Variants in MKLN1 observed in about 807,000 individuals in gnomAD.
MKLN1 encodes muskelin 1.
MKLN1 carries 18 observed loss-of-function variants against 99.0 expected under a neutral mutation model. That is an observed-to-expected ratio of 0.18 (90% CI 0.13 to 0.27). The LOEUF (loss-of-function observed/expected upper bound fraction) is 0.27. Among genes scored for constraint, MKLN1 ranks in the 10% least tolerant of loss-of-function variants. The probability of loss-of-function intolerance (pLI) is 1.00; values close to 1 mark genes in which losing one functional copy is unlikely to be tolerated. For missense variants in MKLN1, 621 were observed against 875.9 expected (o/e 0.71, Z 3.67); for synonymous variants, 288 against 293.2 (o/e 0.98, Z 0.18).
chr7:131,448,412 G>A (rs1483933390), intron 12 of MKLN1, among the ~76,000 whole-genome samples: 1 of 152,144 alleles, frequency 6.6e-6, no homozygotes, highest in Admixed American at 6.5e-5. Context: ...TTAGAGCAGT[G>A]TGGCAATTAT....
At chr7:131,150,240 C>T (rs886092124) in intron 2 of MKLN1, among the ~76,000 whole-genome samples, 1 of 152,178 alleles carries the variant, frequency 6.6e-6, no homozygotes, top group Non-Finnish European at 1.5e-5. Context: ...AACTCAATGA[C>T]TGCGTGACCT....
chr7:131,329,441 T>G (rs1005215652), intron 1 of MKLN1, among the ~76,000 whole-genome samples: 1 of 152,224 alleles, frequency 6.6e-6, no homozygotes, highest in African/African-American at 2.4e-5. Context: ...TAGTTGGAGT[T>G]GAAATGTGGC....
intron 2 of MKLN1, among the ~76,000 whole-genome samples, chr7:131,185,576 T>G (rs1404623840): frequency 6.6e-6 from 1 of 151,428 alleles, no homozygotes; most frequent in Non-Finnish European, 1.5e-5. Context: ...AGATTCCATC[T>G]CAAAAAAAAA....
At chr7:131,444,811 TA>T (rs1795959198) in intron 11 of MKLN1, among the ~76,000 whole-genome samples, 2 of 146,454 alleles carry the variant, frequency 1.4e-5, no homozygotes, top group Non-Finnish European at 3.0e-5. Flanking sequence ...GTAGTAGTAG[TA>T]GTAGTAGTAG....
At chr7:131,381,643 C>T (rs1198557756) in intron 2 of MKLN1, among the ~76,000 whole-genome samples, 3 of 152,170 alleles carry the variant, frequency 2.0e-5, no homozygotes, top group Admixed American at 6.5e-5. Flanking sequence ...ACCACCACCA[C>T]TGCCATCATT....
At chr7:131,254,894 C>T (rs1797635945) in intron 3 of MKLN1, among the ~76,000 whole-genome samples, 1 of 151,714 alleles carries the variant, frequency 6.6e-6, no homozygotes, top group Non-Finnish European at 1.5e-5. Flanking sequence ...GAAACAATGG[C>T]TGAAATTTTT....
intron 2 of MKLN1, among the ~76,000 whole-genome samples, chr7:131,189,610 C>T (rs1796505210): frequency 1.3e-5 from 2 of 151,914 alleles, no homozygotes; most frequent in South Asian, 2.1e-4. Flanking sequence ...TTCTTTCAGG[C>T]CTAGAGCCAG....
chr7:131,280,794 T>C (rs1279996621), intron 3 of MKLN1, among the ~76,000 whole-genome samples: 1 of 152,056 alleles, frequency 6.6e-6, no homozygotes, highest in Non-Finnish European at 1.5e-5. Context: ...GATTATGGGC[T>C]AACACCACCA....
At chr7:131,334,711 A>G (rs1369278908) in intron 1 of MKLN1, among the ~76,000 whole-genome samples, 1 of 152,204 alleles carries the variant, frequency 6.6e-6, no homozygotes, top group Non-Finnish European at 1.5e-5. Flanking sequence ...TTACGTGTAG[A>G]TAAGATACAT....
chr7:131,172,517 A>G (rs1436846815), intron 2 of MKLN1, among the ~76,000 whole-genome samples: 1 of 152,024 alleles, frequency 6.6e-6, no homozygotes, highest in Non-Finnish European at 1.5e-5. Context: ...GGGTTTCACC[A>G]TGTTAGCCAG....
chr7:131,296,225 A>G (rs891453772), intron 3 of MKLN1, among the ~76,000 whole-genome samples: 5 of 152,242 alleles, frequency 3.3e-5, no homozygotes, highest in African/African-American at 1.2e-4. Context: ...GTTGTTTATA[A>G]TAATAGTGTA....
At chr7:131,397,956 A>C (rs1794406180) in intron 5 of MKLN1, among the ~76,000 whole-genome samples, 2 of 152,308 alleles carry the variant, frequency 1.3e-5, no homozygotes, top group South Asian at 4.1e-4. Context: ...TAAGTTAATT[A>C]TAGTTAACTA....
chr7:131,319,526 A>G (rs1563290630), intron 3 of MKLN1, among the ~76,000 whole-genome samples: 1 of 152,186 alleles, frequency 6.6e-6, no homozygotes, highest in Non-Finnish European at 1.5e-5. Flanking sequence ...CCCTTTGAAA[A>G]CTGGCACAAG....
intron 1 of MKLN1, among the ~76,000 whole-genome samples, chr7:131,329,869 A>G (rs986793171): frequency 1.3e-5 from 2 of 152,260 alleles, no homozygotes; most frequent in African/African-American, 4.8e-5. Context: ...TCTCAAGTAC[A>G]TACATAAAAT....
chr7:131,422,973 C>T (rs1795251724), intron 8 of MKLN1, among the ~76,000 whole-genome samples: 1 of 152,152 alleles, frequency 6.6e-6, no homozygotes, highest in Non-Finnish European at 1.5e-5. Context: ...ACTTAAGATT[C>T]TTCAACTGTG....
chr7:131,277,182 T>C (rs936449569), intron 3 of MKLN1, among the ~76,000 whole-genome samples: 13 of 152,026 alleles, frequency 8.6e-5, no homozygotes, highest in African/African-American at 2.9e-4. Context: ...TGAACAGAGG[T>C]TGATTAATGT....
At chr7:131,380,393 T>C (rs888670708) in intron 2 of MKLN1, among the ~76,000 whole-genome samples, 2 of 152,044 alleles carry the variant, frequency 1.3e-5, no homozygotes, top group African/African-American at 2.4e-5. Context: ...AAAATTAATA[T>C]TGAAAATTTT....
chr7:131,337,800 T>C (rs1012263851), intron 1 of MKLN1, among the ~76,000 whole-genome samples: 1 of 151,308 alleles, frequency 6.6e-6, no homozygotes, highest in African/African-American at 2.4e-5. Flanking sequence ...TTATTACATG[T>C]GGATAATAAC....
At chr7:131,279,644 C>CA (rs1202422684) in intron 3 of MKLN1, among the ~76,000 whole-genome samples, 1 of 151,862 alleles carries the variant, frequency 6.6e-6, no homozygotes, top group Non-Finnish European at 1.5e-5. Flanking sequence ...CCAATCTTTA[C>CA]AAAAAATAAA....
Sources: allele counts gnomAD v4.1 joint callset (sites outside exome capture counted in the v4.1 genomes callset), GRCh38; gene constraint gnomAD v4.1.1; transcripts MANE v1.5; gene names NCBI Gene and HGNC (gene_info 2026-07-23, HGNC 2026-07-21).